CCDC138: variants seen among roughly 807,000 people sequenced by gnomAD.
The protein encoded by CCDC138 is coiled-coil domain containing 138.
Under a neutral mutation model 82.3 loss-of-function variants are expected in CCDC138, and 66 were observed. The ratio of observed to expected loss-of-function variants is 0.80; its 90% CI spans 0.66 to 0.98. The LOEUF (loss-of-function observed/expected upper bound fraction) is 0.98. CCDC138 is among the 50% of genes least tolerant of loss of function. The pLI is 0.00. For missense variants in CCDC138, 816 were observed against 758.9 expected, an observed-to-expected ratio of 1.08 and a Z score of -0.88; for synonymous variants, 297 against 265.4, an observed-to-expected ratio of 1.12 and a Z score of -1.16.
Position 108,798,093 on chromosome 2 carries a change from A to ATAGG in CCDC138, c.577-332_577-329dup, listed in dbSNP as rs1332143909. 2.6e-5 allele frequency among the ~76,000 whole-genome samples: 4 copies of ATAGG among 151,878 alleles called. No individual in the cohort carries two copies. In the East Asian group the frequency reaches 7.8e-4, roughly 29 times the overall value. On this transcript the variant is annotated intron_variant, in intron 5 of 14. Transcript: ENST00000295124. ...ACAACAAGATGAGGGAGTGGAGGGT[A>ATAGG]TAGGTAAAATAGTGGACTATGATGT...
chr2:108,803,441 AT>A (rs1179708854), intron 6 of CCDC138, among the ~76,000 whole-genome samples: 33 of 151,770 alleles, frequency 2.2e-4, no homozygotes, highest in East Asian at 3.9e-4. Context: ...TTAAAAAAAA[AT>A]TTTTTTTTAA....
intron 10 of CCDC138, among the ~76,000 whole-genome samples, chr2:108,821,666 C>T (rs373328869): frequency 6.6e-6 from 1 of 151,686 alleles, no homozygotes; most frequent in African/African-American, 2.4e-5. Flanking sequence ...CCTTCCTGGC[C>T]GAGTGTGGTG....
chr2:108,824,261 A>T (rs1686201664), intron 10 of CCDC138, among the ~76,000 whole-genome samples: 1 of 152,186 alleles, frequency 6.6e-6, no homozygotes, highest in African/African-American at 2.4e-5. Context: ...ACTCTGTAAT[A>T]TTAACACTTC....
intron 7 of CCDC138, among the ~76,000 whole-genome samples, chr2:108,808,300 A>G (rs1030971005): frequency 6.6e-6 from 1 of 152,212 alleles, no homozygotes; most frequent in Non-Finnish European, 1.5e-5. Context: ...TGGCTATTGC[A>G]AATACTGCTG....
chr2:108,838,745 A>G (rs555924240), intron 10 of CCDC138, among the ~76,000 whole-genome samples: 1 of 152,184 alleles, frequency 6.6e-6, no homozygotes, highest in African/African-American at 2.4e-5. Flanking sequence ...AAATCCTTTC[A>G]TATATCTTTT....
chr2:108,884,998 G>C (rs1204859919), intron 2 of CCDC138: 1 of 152,214 alleles, frequency 6.6e-6, no homozygotes, highest in Non-Finnish European at 1.5e-5. Context: ...TTCCCAAGGA[G>C]CTAATTGGAA....
At position 108,809,488 on chromosome 2, in the gene CCDC138, GA is replaced by G. The variant is rs1384347700; in HGVS notation, c.856-3142del. On this transcript the variant is annotated intron_variant, in intron 7 of 14. Coordinates refer to ENST00000295124, the MANE Select transcript of CCDC138 (RefSeq NM_144978.3). Reference sequence around the variant, plus strand: ...TGTGTGTGTGTGTGTGTGTGTGTGTGATCTTCAGTTTCATTCATCAGTGTTT... The same window carrying G: ...TGTGTGTGTGTGTGTGTGTGTGTGTGTCTTCAGTTTCATTCATCAGTGTTT... 1.5e-3 allele frequency among the ~76,000 whole-genome samples: 214 copies of G among 139,622 alleles called. 1 individual carries two copies. Among genetic ancestry groups the G allele is most frequent in the Non-Finnish European group, 2.0e-3 (128 of 64,052 alleles). 91.6% of individuals were successfully genotyped at this position (139,622 alleles called of 152,430 possible).
At chr2:108,868,014 A>G (rs1005358291) in intron 13 of CCDC138, among the ~76,000 whole-genome samples, 2 of 152,214 alleles carry the variant, frequency 1.3e-5, no homozygotes, top group Admixed American at 1.3e-4. Context: ...TGAGCATTTA[A>G]ACTGGAAAAA....
intron 12 of CCDC138, among the ~76,000 whole-genome samples, chr2:108,849,182 G>GA (rs1338671942): frequency 2.6e-5 from 4 of 151,706 alleles, no homozygotes; most frequent in Non-Finnish European, 4.4e-5. Flanking sequence ...ATTACACAGA[G>GA]AAAAAAAATC....
At chr2:108,824,397 A>T (rs569982681) in intron 10 of CCDC138, among the ~76,000 whole-genome samples, 1 of 152,316 alleles carries the variant, frequency 6.6e-6, no homozygotes, top group East Asian at 1.9e-4. Flanking sequence ...TCTGTTAAAA[A>T]CTAAGACACA....
At chr2:108,870,020 T>C (rs555615815) in intron 13 of CCDC138, among the ~76,000 whole-genome samples, 1 of 152,254 alleles carries the variant, frequency 6.6e-6, no homozygotes, top group African/African-American at 2.4e-5. Context: ...TTAAATATGC[T>C]CAATGAGCTA....
At chr2:108,839,666 A>G (rs1482326156) in intron 11 of CCDC138, among the ~76,000 whole-genome samples, 2 of 152,062 alleles carry the variant, frequency 1.3e-5, no homozygotes, top group African/African-American at 2.4e-5. Context: ...TTTACTGTTG[A>G]TGTTTACATG....
At chr2:108,840,008 A>C (rs1689194302) in intron 11 of CCDC138, among the ~76,000 whole-genome samples, 1 of 152,020 alleles carries the variant, frequency 6.6e-6, no homozygotes, top group Middle Eastern at 3.2e-3. Flanking sequence ...GTATTTTCAT[A>C]GATACTTTCA....
intron 14 of CCDC138, among the ~76,000 whole-genome samples, chr2:108,873,832 G>A (rs1490812233): frequency 1.3e-5 from 2 of 152,120 alleles, no homozygotes; most frequent in Non-Finnish European, 1.5e-5. Context: ...ATCCTGGGCC[G>A]CATGCAGCCC....
In CCDC138 at chr2:108,876,296, A is replaced by C. The variant is rs777952529; in HGVS notation, c.*43A>C. ...TATAGTATATGTGGTGCTTATTTAT[A>C]AACATGTAGAAATTACCAAAGTAAC... On this transcript the variant is annotated 3_prime_UTR_variant, in exon 15 of 15. Transcript: ENST00000295124. The C allele has an allele frequency of 3.7e-6, 4 of 1,093,948 alleles. No individual in the cohort carries two copies. The highest frequency in any genetic ancestry group is 5.1e-6 in the Non-Finnish European group (4 of 783,916). The allele number at this position is 1,093,948 out of a possible 1,614,324, so 67.8% of individuals were successfully genotyped here.
At chr2:108,845,034 C>G (rs1387850344) in intron 11 of CCDC138, among the ~76,000 whole-genome samples, 12 of 152,054 alleles carry the variant, frequency 7.9e-5, no homozygotes, top group Admixed American at 7.9e-4. Context: ...GCGTGAGCCA[C>G]TGTGCCTGGC....
chr2:108,842,846 A>C (rs1441458609), intron 11 of CCDC138, among the ~76,000 whole-genome samples: 1 of 152,212 alleles, frequency 6.6e-6, no homozygotes, highest in Admixed American at 6.5e-5. Context: ...TCACTACAAC[A>C]TTATGTAGAA....
At chr2:108,811,452 C>T (rs1683862198) in intron 7 of CCDC138, among the ~76,000 whole-genome samples, 1 of 151,832 alleles carries the variant, frequency 6.6e-6, no homozygotes, top group South Asian at 2.1e-4. Flanking sequence ...TATTGTGTTG[C>T]TGAGGCTGGT....
intron 7 of CCDC138, among the ~76,000 whole-genome samples, chr2:108,811,247 C>CTCTTTTTTTTTTTTTT (rs760937756): frequency 3.1e-4 from 35 of 113,872 alleles, no homozygotes; most frequent in Admixed American, 4.9e-4. Flanking sequence ...TTCTCTCTCT[C>CTCTTTTTTTTTTTTTT]TTTTTTTTTT....
Sources: allele counts gnomAD v4.1 joint callset (sites outside exome capture counted in the v4.1 genomes callset), GRCh38; gene constraint gnomAD v4.1.1; transcripts MANE v1.5; gene names NCBI Gene and HGNC (gene_info 2026-07-23, HGNC 2026-07-21).